TLE2: variants seen among roughly 807,000 people sequenced by gnomAD.
TLE2 encodes the protein transducin-like enhancer protein 2.
A neutral mutation model predicts 97.2 loss-of-function variants in TLE2; 74 were observed. The observed-to-expected ratio is 0.76, with a 90% CI of 0.63 to 0.92. The LOEUF is 0.92. Among genes scored for constraint, TLE2 ranks in the 40% least tolerant of loss-of-function variants. The pLI is 0.00. For missense variants in TLE2, 1,038 were observed against 1,008.7 expected (o/e 1.03, Z -0.39); for synonymous variants, 499 against 432.1 (o/e 1.15, Z -1.92).
chr19:3,006,505 A>C lies in TLE2; in HGVS notation c.1415T>G (p.Val472Gly). 1 of 1,609,266 alleles carries C rather than the reference A, an allele frequency of 6.2e-7. No homozygotes were observed. Among genetic ancestry groups the C allele is most frequent in the Non-Finnish European group, 8.5e-7 (1 of 1,178,738 alleles). Residue 472 changes from valine (V) to glycine (G), a missense_variant, in exon 15 of 20, where the codon GTG (valine) becomes GGG (glycine). Transcript: ENST00000262953. ...CACACAGCCCTTGCCGCCCGTGTACACATGCTGTGTGGAGCCGCTGATGGT... is the reference window on the plus strand; with the variant it reads ...CACACAGCCCTTGCCGCCCGTGTACCCATGCTGTGTGGAGCCGCTGATGGT... ...AVTISGSTQH[V>G]YTGGKGCVKV...
chr19:3,039,970 T>C (rs1387922956), intron 1 of TLE2, among the ~76,000 whole-genome samples: 1 of 152,012 alleles, frequency 6.6e-6, no homozygotes, highest in Non-Finnish European at 1.5e-5. Context: ...ATCAAATAGC[T>C]CGATAGATGA....
chr19:3,032,349 T>C (rs1358893176), upstream of TLE2, among the ~76,000 whole-genome samples: 5 of 152,168 alleles, frequency 3.3e-5, no homozygotes, highest in African/African-American at 4.8e-5. This position sits in a 1 kb window ranked among gnomAD's most constrained non-coding sequence, Gnocchi z 4.1. Flanking sequence ...GTGATTCTCC[T>C]GCCTCAGCCT....
chr19:3,026,517 C>G (rs978836211), intron 4 of TLE2, among the ~76,000 whole-genome samples: 2 of 149,886 alleles, frequency 1.3e-5, no homozygotes, highest in South Asian at 4.2e-4. Context: ...ATCAGAAGTT[C>G]GGGAATAGCC....
At chr19:3,011,920 T>C (rs2089606260) in intron 11 of TLE2, among the ~76,000 whole-genome samples, 2 of 151,322 alleles carry the variant, frequency 1.3e-5, no homozygotes, top group African/African-American at 4.9e-5. Flanking sequence ...TGCAATTCTT[T>C]TTTTTTTTAA....
rs1368205299 is a variant in TLE2, at chr19:3,016,678, T to A, written c.571-918A>T. On this transcript the variant is annotated intron_variant, in intron 8 of 19. Coordinates refer to ENST00000262953, the MANE Select transcript of TLE2 (RefSeq NM_003260.5). ...TTCTGTTGGGGAGCACCCACAGATA[T>A]TGCTGAACGGCTGATGGCTAGGCGA... Among the ~76,000 whole-genome samples, 142 of 152,066 alleles carry A rather than the reference T, an allele frequency of 9.3e-4. 5 individuals carry two copies. Among genetic ancestry groups the A allele is most frequent in the Non-Finnish European group, 2.5e-4 (17 of 68,024 alleles).
chr19:3,042,095 A>G (rs1444794045), intron 1 of TLE2, among the ~76,000 whole-genome samples: 4 of 146,056 alleles, frequency 2.7e-5, no homozygotes, highest in African/African-American at 1.0e-4. Context: ...GAGTAGGGGG[A>G]GCGCAGGGAG....
At chr19:3,006,059 T>A in intron 15 of TLE2, 91 bp from the exon 16 acceptor site, 5 of 1,465,152 alleles carry the variant, frequency 3.4e-6, no homozygotes, top group Non-Finnish European at 4.8e-6. Flanking sequence ...TGGAGCCCAA[T>A]GTAGCCTCAT....
At chr19:3,016,005 C>T (rs1599221716) in intron 8 of TLE2, 5 of 596,296 alleles carry the variant, frequency 8.4e-6, no homozygotes, top group African/African-American at 3.6e-5. Context: ...GGAGCCATCT[C>T]GGCCCACTGA....
chr19:3,025,481 G>GC (rs1394148290), intron 4 of TLE2: 8 of 1,016,006 alleles, frequency 7.9e-6, no homozygotes, highest in African/African-American at 1.7e-5. Context: ...CCAGATTCCA[G>GC]CCCCGGCTTG....
chr19:3,008,856 C>A lies in TLE2; in HGVS notation c.1250+13G>T, dbSNP rs762324907. 35 of 1,562,094 alleles carry A rather than the reference C, an allele frequency of 2.2e-5. 1 individual carries two copies. In the African/African-American group the frequency reaches 4.2e-4, roughly 19 times the overall value. On this transcript the variant is annotated intron_variant, in intron 14 of 19. Transcript: ENST00000262953. ...CCGGGACCCCAGGCAGGGAGCCCCA[C>A]CCTGGTACTCACGGCTTTCCCCCAG... is the stretch of plus-strand genomic sequence containing the variant.
chr19:3,008,006 C>T (rs568979241), intron 14 of TLE2, among the ~76,000 whole-genome samples: 2 of 152,252 alleles, frequency 1.3e-5, no homozygotes, highest in South Asian at 2.1e-4. Context: ...CGCTTGAACC[C>T]AGGAGGTGGA....
intron 1 of TLE2, among the ~76,000 whole-genome samples, chr19:3,035,887 G>T (rs890445533): frequency 6.6e-6 from 1 of 151,718 alleles, no homozygotes; most frequent in Non-Finnish European, 1.5e-5. Context: ...TTGGAGGAGG[G>T]GGGGCTAAGG....
rs1464100054 is a variant in TLE2 at position 3,000,702 on chromosome 19, C to G, written c.2069G>C (p.Gly690Ala). The change falls in exon 19 of 20, where the codon GGG (glycine) becomes GCG (alanine). Residue 690 changes from glycine to alanine, a missense_variant. Transcript: ENST00000262953. Reference sequence around the variant, plus strand: ...CCAGGCGTTGAGCAGGTTGTCCTTCCCGGTGCTCACAAACCACCGTCCTTG... The same window carrying G: ...CCAGGCGTTGAGCAGGTTGTCCTTCGCGGTGCTCACAAACCACCGTCCTTG... ...ASCGRWFVST[G>A]KDNLLNAWRT... is the part of the protein sequence containing the mutation. The G allele has an allele frequency of 6.3e-7, 1 of 1,592,390 alleles. No individual in the cohort carries two copies. The highest frequency in any genetic ancestry group is 8.5e-7 in the Non-Finnish European group (1 of 1,169,834).
intron 3 of TLE2, 46 bp downstream of exon 3, chr19:3,028,273 G>C: frequency 6.4e-7 from 1 of 1,566,494 alleles, no homozygotes; most frequent in Non-Finnish European, 8.7e-7. Flanking sequence ...GTGACTCAAA[G>C]CCCTGCCCGC....
chr19:3,032,174 C>A (rs1189014816), upstream of TLE2, among the ~76,000 whole-genome samples: 1 of 152,104 alleles, frequency 6.6e-6, no homozygotes, highest in East Asian at 1.9e-4. The surrounding 1 kb of genome is among the most constrained non-coding windows in gnomAD (Gnocchi z 4.1). Flanking sequence ...TCAGGTGATC[C>A]ACCTGCCTCG....
intron 5 of TLE2, among the ~76,000 whole-genome samples, chr19:3,021,114 A>AAAGGGG (rs752326503): frequency 4.4e-5 from 2 of 45,446 alleles, no homozygotes; most frequent in Middle Eastern, 0.019. Context: ...AAAAAAAAAA[A>AAAGGGG]GGGGGGGGGG....
chr19:2,999,420 G>A (rs182928118), intron 19 of TLE2, among the ~76,000 whole-genome samples: 56 of 152,250 alleles, frequency 3.7e-4, no homozygotes, highest in African/African-American at 1.3e-3. Flanking sequence ...AATCACTGCT[G>A]ATGGGGATAT....
chr19:3,006,096 G>A (rs754513347), intron 15 of TLE2, 128 bp from the exon 16 acceptor site: 2 of 1,210,880 alleles, frequency 1.7e-6, no homozygotes, highest in Non-Finnish European at 2.4e-6. Flanking sequence ...GCCCTACCCT[G>A]ATTGGCTGGT....
At chr19:2,998,237 ATGTGTGTG>A (rs56398458) in intron 19 of TLE2, among the ~76,000 whole-genome samples, 6,824 of 121,322 alleles carry the variant, frequency 0.056, 243 homozygotes, top group Admixed American at 0.088. Context: ...CGCCCGGCCA[ATGTGTGTG>A]TGTGTGTGTG....
Sources: allele counts gnomAD v4.1 joint callset (sites outside exome capture counted in the v4.1 genomes callset), GRCh38; gene constraint gnomAD v4.1.1; non-coding constraint Gnocchi (gnomAD v3.1); transcripts MANE v1.5; gene names NCBI Gene and HGNC (gene_info 2026-07-23, HGNC 2026-07-21).